LAMA3: variants seen among roughly 807,000 people sequenced by gnomAD.
The protein encoded by LAMA3 is laminin subunit alpha-3.
In LAMA3, 281 loss-of-function variants were observed where a neutral mutation model predicts 402.0. The observed-to-expected ratio is 0.70, with a 90% CI of 0.63 to 0.77. The LOEUF (loss-of-function observed/expected upper bound fraction) is 0.77. LAMA3 is among the 30% of genes least tolerant of loss of function. The pLI is 0.00. For synonymous variants in LAMA3, 1,431 were observed against 1,558.4 expected (o/e 0.92, Z 1.93); for missense variants, 3,840 against 4,215.5 (o/e 0.91, Z 2.47).
intron 69 of LAMA3, among the ~76,000 whole-genome samples, chr18:23,945,562 G>T (rs1321125837): frequency 6.6e-6 from 1 of 152,194 alleles, no homozygotes; most frequent in Non-Finnish European, 1.5e-5. Flanking sequence ...GTGTCAGCAG[G>T]CAGTAGAGGC....
At chr18:23,952,426 A>G (rs749029147) in intron 73 of LAMA3, among the ~76,000 whole-genome samples, 4 of 152,216 alleles carry the variant, frequency 2.6e-5, no homozygotes, top group African/African-American at 7.2e-5. Flanking sequence ...CTGTTATTTT[A>G]TTAATTATTT....
intron 1 of LAMA3, among the ~76,000 whole-genome samples, chr18:23,708,808 G>A (rs770513080): frequency 6.6e-6 from 1 of 150,662 alleles, no homozygotes; most frequent in African/African-American, 2.4e-5. Flanking sequence ...CCAGGCTGGA[G>A]TGCAATTGTG....
At chr18:23,725,654 T>C (rs937951417) in intron 2 of LAMA3, among the ~76,000 whole-genome samples, 1 of 152,178 alleles carries the variant, frequency 6.6e-6, no homozygotes, top group Non-Finnish European at 1.5e-5. Flanking sequence ...GCACAGACAA[T>C]GTGACCATCC....
chr18:23,946,430 A>C, intron 70 of LAMA3, 146 bp downstream of exon 70: 1 of 941,040 alleles, frequency 1.1e-6, no homozygotes, highest in Non-Finnish European at 1.7e-6. Flanking sequence ...GTTCACAACC[A>C]CATAGAGTAA....
rs1441798019 is a variant in LAMA3 at position 23,838,957 on chromosome 18, A to C, written c.3191+79A>C. ...AGTGTAAGGCTGAAACTTTATACTC[A>C]ACGTCAGAAATGATCATAAGCCAAG... On this transcript the variant is annotated intron_variant, in intron 26 of 74. Coordinates refer to ENST00000313654, the MANE Select transcript of LAMA3 (RefSeq NM_198129.4). The C allele has an allele frequency of 8.0e-6, 7 of 877,924 alleles. No individual in the cohort carries two copies. The African/African-American group carries it at 1.2e-4, about 14-fold the overall frequency. The allele number at this position is 877,924 out of a possible 1,614,324, so 54.4% of individuals were successfully genotyped here.
At chr18:23,833,793 T>A in intron 23 of LAMA3, 35 bp from the exon 24 acceptor site, 1 of 1,611,288 alleles carries the variant, frequency 6.2e-7, no homozygotes. Flanking sequence ...ATGTCACAGC[T>A]GGATCACAGT....
chr18:23,734,284 G>A (rs929841746), intron 2 of LAMA3, among the ~76,000 whole-genome samples: 23 of 152,134 alleles, frequency 1.5e-4, no homozygotes, highest in Admixed American at 3.3e-4. Context: ...AACAGAAAAC[G>A]GGACCATGGG....
chr18:23,908,220 A>T (rs1040890033), intron 54 of LAMA3, among the ~76,000 whole-genome samples: 1 of 152,172 alleles, frequency 6.6e-6, no homozygotes, highest in Non-Finnish European at 1.5e-5. Flanking sequence ...ATTATGATTG[A>T]TATTAAGAAT....
At chr18:23,945,347 A>C (rs2082674048) in intron 69 of LAMA3, among the ~76,000 whole-genome samples, 1 of 152,126 alleles carries the variant, frequency 6.6e-6, no homozygotes, top group Non-Finnish European at 1.5e-5. Flanking sequence ...GATGGATCAC[A>C]TATAGAGGGT....
Position 23,847,594 on chromosome 18 carries a change from A to T in LAMA3, c.4062A>T (p.Glu1354Asp). The T allele has an allele frequency of 6.2e-7, 1 of 1,614,086 alleles. No individual in the cohort carries two copies. Among genetic ancestry groups the T allele is most frequent in the Non-Finnish European group, 8.5e-7 (1 of 1,180,030 alleles). The change falls in exon 32 of 75, where the codon GAA becomes GAT. Residue 1354 changes from glutamate to aspartate, a missense_variant. Glu to Asp is a conservative substitution (Grantham distance 45). Around this residue, in one of 3 missense-constraint regions of LAMA3, gnomAD observed 2,109 missense variants for 2,376.0 expected, o/e 0.89. Transcript: ENST00000313654. ...GCTTCCACCCCATGGCCGGCTGCGA[A>T]GGCTGCAACTGTTCCAGGAGGGGCA... is the stretch of plus-strand genomic sequence containing the variant. ...SFSFHPMAGC[E>D]GCNCSRRGTI...
At chr18:23,705,877 G>A (rs1301311344) in intron 1 of LAMA3, among the ~76,000 whole-genome samples, 1 of 152,084 alleles carries the variant, frequency 6.6e-6, no homozygotes, top group Non-Finnish European at 1.5e-5. Context: ...ACCAAACATA[G>A]AGCTTGGATA....
At chr18:23,722,324 G>C (rs1669811795) in intron 2 of LAMA3, among the ~76,000 whole-genome samples, 1 of 152,174 alleles carries the variant, frequency 6.6e-6, no homozygotes, top group African/African-American at 2.4e-5. Context: ...TTTACTCAGA[G>C]GCACTTGCTA....
chr18:23,777,747 G>T (rs1238302090), intron 11 of LAMA3, 128 bp downstream of exon 11: 13 of 770,944 alleles, frequency 1.7e-5, no homozygotes, highest in Non-Finnish European at 2.6e-5. Flanking sequence ...GTGCCTTGCA[G>T]GTGTCTCCTA....
rs576783750 is a variant in LAMA3, at chr18:23,885,395, T to G, written c.5303+542T>G. Among the ~76,000 whole-genome samples, 9 of 134,772 alleles carry G rather than the reference T, an allele frequency of 6.7e-5. No homozygotes were observed. In the South Asian group the frequency reaches 2.3e-3, roughly 34 times the overall value. The allele number at this position is 134,772 out of a possible 152,430, so 88.4% of individuals were successfully genotyped here. A position where few individuals can be genotyped will look rare whatever the true frequency, so the allele number is the denominator to read the frequency against. The stretch of plus-strand genomic sequence containing the variant: ...TCCCCACACTATATTTTGAACACTT[T>G]CAGGACAATCTATGTCTTGTTTATT... On this transcript the variant is annotated intron_variant, in intron 41 of 74. Transcript: ENST00000313654.
At chr18:23,738,594 C>G (rs993471528) in intron 2 of LAMA3, among the ~76,000 whole-genome samples, 21 of 152,158 alleles carry the variant, frequency 1.4e-4, no homozygotes, top group Non-Finnish European at 2.9e-4. Context: ...ATAGTCAGGA[C>G]CACAGCAGCA....
chr18:23,940,963 A>C (rs1176954757), intron 68 of LAMA3, among the ~76,000 whole-genome samples: 6 of 147,236 alleles, frequency 4.1e-5, no homozygotes, highest in African/African-American at 1.5e-4. Flanking sequence ...TTGAGACGGA[A>C]TATCACTCTG....
At chr18:23,700,895 G>T (rs1001584870) in intron 1 of LAMA3, among the ~76,000 whole-genome samples, 1 of 151,826 alleles carries the variant, frequency 6.6e-6, no homozygotes, top group African/African-American at 2.4e-5. Context: ...TTGGTGTTTC[G>T]CCATGTTGCC....
intron 2 of LAMA3, among the ~76,000 whole-genome samples, chr18:23,729,030 CAAAA>C (rs10601046): frequency 6.6e-4 from 59 of 89,196 alleles, no homozygotes; most frequent in South Asian, 3.3e-3. Context: ...GACTCCGTCT[CAAAA>C]AAAAAAAAAA....
At chr18:23,798,236 G>A (rs1361024596) in intron 12 of LAMA3, among the ~76,000 whole-genome samples, 1 of 152,142 alleles carries the variant, frequency 6.6e-6, no homozygotes, top group East Asian at 1.9e-4. Context: ...AGGAAGGCAG[G>A]AATGCGGAAA....
Sources: gnomAD v4.1 joint callset for allele counts (sites outside exome capture counted in the v4.1 genomes callset) on GRCh38, gnomAD v4.1.1 for gene constraint, gnomAD v4.1.1 regional missense constraint, MANE v1.5 for transcripts, NCBI Gene and HGNC (gene_info 2026-07-23, HGNC 2026-07-21) for gene names.